Variants in AMBN observed in about 807,000 individuals in gnomAD.
AMBN encodes the protein ameloblastin.
AMBN carries 54 observed loss-of-function variants against 48.0 expected under a neutral mutation model. That is an observed-to-expected ratio of 1.12 (90% CI 0.90 to 1.41). AMBN has a LOEUF of 1.41. Among genes scored for constraint, AMBN ranks in the 40% most tolerant of loss-of-function variants. AMBN has a pLI of 0.00. For synonymous variants in AMBN, 186 were observed against 190.0 expected, an observed-to-expected ratio of 0.98 and a Z score of 0.17; for missense variants, 571 against 547.3, an observed-to-expected ratio of 1.04 and a Z score of -0.43.
At chr4:70,601,758 A>G (rs1342464349) in intron 6 of AMBN, 104 bp downstream of exon 6, 3 of 1,000,166 alleles carry the variant, frequency 3.0e-6, no homozygotes, top group Non-Finnish European at 3.1e-6. Flanking sequence ...CAGGCATAAT[A>G]CGTGATATAA....
intron 7 of AMBN, 67 bp from the exon 8 acceptor site, chr4:70,602,730 AT>A (rs1468162905): frequency 1.0e-6 from 1 of 963,732 alleles, no homozygotes; most frequent in Non-Finnish European, 1.5e-6. Flanking sequence ...TCACTTTTTT[AT>A]TTTTATTTGT....
In AMBN at chr4:70,606,523, C is replaced by T; in HGVS notation, c.1137C>T (p.Thr379=). ...SGKMKGLPSV[T]PAAADPLMTP... Reference sequence around the variant, plus strand: ...AGATGAAGGGACTCCCCAGCGTCACCCCAGCAGCTGCTGACCCACTGATGA... The same window carrying T: ...AGATGAAGGGACTCCCCAGCGTCACTCCAGCAGCTGCTGACCCACTGATGA... The change falls in exon 13 of 13, where the codon ACC becomes ACT. Residue 379 remains threonine (T), a synonymous_variant. Coordinates refer to ENST00000322937, the MANE Select transcript of AMBN (RefSeq NM_016519.6). The T allele has an allele frequency of 1.2e-6, 2 of 1,614,090 alleles. No homozygotes were observed. Among genetic ancestry groups the T allele is most frequent in the Non-Finnish European group, 1.7e-6 (2 of 1,179,998 alleles).
chr4:70,600,034 C>T (rs1464183960), intron 5 of AMBN, among the ~76,000 whole-genome samples: 1 of 152,064 alleles, frequency 6.6e-6, no homozygotes, highest in African/African-American at 2.4e-5. Context: ...TAGCCAGGTG[C>T]GATGGCTGAC....
rs929305172 is a variant in AMBN at position 70,606,888 on chromosome 4, G to A, written c.*158G>A. ...ATGCAAGTGGCTAGAAATAGTGTAG[G>A]TCCCCTTCTTGCTTTCAATATCTTG... On this transcript the variant is annotated 3_prime_UTR_variant, in exon 13 of 13. Coordinates refer to ENST00000322937, the MANE Select transcript of AMBN (RefSeq NM_016519.6). 1.6e-5 allele frequency: 12 copies of A among 767,838 alleles called. No homozygotes were observed. The highest frequency in any genetic ancestry group is 1.2e-4 in the African/African-American group (7 of 56,600). The allele number at this position is 767,838 out of a possible 1,614,324, so 47.6% of individuals were successfully genotyped here.
At chr4:70,596,413 G>A (rs1737386688) in intron 2 of AMBN, among the ~76,000 whole-genome samples, 1 of 151,938 alleles carries the variant, frequency 6.6e-6, no homozygotes, top group Non-Finnish European at 1.5e-5. Context: ...TTATTTAAGG[G>A]AAAAAAACCT....
rs574452222 is a variant in AMBN, at chr4:70,601,333, C to T, written c.295-85C>T. On this transcript the variant is annotated intron_variant, in intron 5 of 12. Coordinates refer to ENST00000322937, the MANE Select transcript of AMBN (RefSeq NM_016519.6). The stretch of plus-strand genomic sequence containing the variant: ...TAGCCTCCCTTCCAGATAGAAAGCG[C>T]CCCAAGCCCCTTTGTTTAGAAATTC... The T allele has an allele frequency of 1.5e-5, 21 of 1,385,062 alleles. No homozygotes were observed. In the Admixed American group the frequency reaches 3.7e-4, roughly 24 times the overall value. 85.8% of individuals were successfully genotyped at this position (1,385,062 alleles called of 1,614,324 possible).
At chr4:70,593,511 GGTTT>G in intron 2 of AMBN, 116 bp downstream of exon 2, 8 of 874,044 alleles carry the variant, frequency 9.2e-6, no homozygotes, top group African/African-American at 1.7e-5. Flanking sequence ...TTAATCCAGT[GGTTT>G]AGTCCTATTG....
intron 12 of AMBN, among the ~76,000 whole-genome samples, chr4:70,605,597 C>T (rs1157807108): frequency 6.9e-6 from 1 of 145,638 alleles, no homozygotes; most frequent in Non-Finnish European, 1.5e-5. Context: ...AGGGAAGTCA[C>T]ATTTTTTTTC....
At chr4:70,601,723 G>C in intron 6 of AMBN, 69 bp downstream of exon 6, 1 of 1,456,866 alleles carries the variant, frequency 6.9e-7, no homozygotes. Context: ...GAATTTGCAG[G>C]GCACTTTTAA....
intron 5 of AMBN, 36 bp from the exon 6 acceptor site, chr4:70,601,382 A>C: frequency 1.3e-6 from 2 of 1,584,772 alleles, no homozygotes; most frequent in Non-Finnish European, 1.7e-6. Flanking sequence ...TTAATGAGCC[A>C]TCCCTTCCTA....
Position 70,599,622 on chromosome 4 carries a change from G to T in AMBN, c.270G>T (p.Arg90Ser). 14 of 1,612,070 alleles carry T rather than the reference G, an allele frequency of 8.7e-6. No homozygotes were observed. Among genetic ancestry groups the T allele is most frequent in the Non-Finnish European group, 1.1e-5 (13 of 1,178,854 alleles). ...LPPHSSLPWM[R>S]PREHETQQYE... ...CACATTCCTCTCTTCCATGGATGAG[G>T]CCAAGAGAACATGAAACTCAACAGG... The change falls in exon 5 of 13, where the codon AGG becomes AGT. Residue 90 changes from arginine (R) to serine (S), a missense_variant. By Grantham distance (110) the Arg-to-Ser change is moderately radical (BLOSUM62 -1). Coordinates refer to ENST00000322937, the MANE Select transcript of AMBN (RefSeq NM_016519.6).
intron 7 of AMBN, 54 bp downstream of exon 7, chr4:70,602,716 T>G: frequency 6.7e-7 from 1 of 1,500,334 alleles, no homozygotes; most frequent in Non-Finnish European, 9.0e-7. Flanking sequence ...TAATTTTTAT[T>G]TGTTCACTTT....
At position 70,601,657 on chromosome 4, in the gene AMBN, A is replaced by C. The variant is rs774743870; in HGVS notation, c.531+3A>C. 6 of 1,613,040 alleles carry C rather than the reference A, an allele frequency of 3.7e-6. No homozygotes were observed. In the African/African-American group the frequency reaches 8.0e-5, roughly 22 times the overall value. On this transcript the variant is annotated splice_donor_region_variant and intron_variant, in intron 6 of 12. Transcript: ENST00000322937. Reference sequence around the variant, plus strand: ...CAGATAAGCCACCAAAGCCTGAGGTACTTCCTTTCTCTTGAAGTCAGATCA... The same window carrying C: ...CAGATAAGCCACCAAAGCCTGAGGTCCTTCCTTTCTCTTGAAGTCAGATCA...
Position 70,603,418 on chromosome 4 carries a change from T to C in AMBN, c.711T>C (p.Leu237=). The C allele has an allele frequency of 3.7e-6, 6 of 1,613,592 alleles. No homozygotes were observed. Among genetic ancestry groups the C allele is most frequent in the Non-Finnish European group, 5.1e-6 (6 of 1,179,898 alleles). Residue 237 remains leucine, a splice_region_variant and synonymous_variant, in exon 11 of 13, where the codon CTT becomes CTC. Transcript: ENST00000322937. ...GPMPQNKQSP[L]YPGMLYVPFG... Reference sequence around the variant, plus strand: ...GATAATGATTGTATTTTATTTAGCTTTATCCAGGAATGTTGTACGTGCCTT... The same window carrying C: ...GATAATGATTGTATTTTATTTAGCTCTATCCAGGAATGTTGTACGTGCCTT...
rs1009458161 is a variant in AMBN at position 70,601,698 on chromosome 4, C to G, written c.531+44C>G. The stretch of plus-strand genomic sequence containing the variant: ...AGTCAGATCAGAATCACCAGCTAAC[C>G]TAATAGAAGAAAACGAATTTGCAGG... On this transcript the variant is annotated intron_variant, in intron 6 of 12. Transcript: ENST00000322937. 2.5e-6 allele frequency: 4 copies of G among 1,574,386 alleles called. No individual in the cohort carries two copies. The African/African-American group carries it at 5.4e-5, about 21-fold the overall frequency.
Position 70,599,647 on chromosome 4 carries a change from G to A in AMBN, c.294+1G>A. On this transcript the variant is annotated splice_donor_variant, in intron 5 of 12. Transcript: ENST00000322937. LOFTEE classifies it high-confidence loss of function. ...GCCAAGAGAACATGAAACTCAACAG[G>A]TGAGTGAATAGCATCAATATGTTTG... 1.9e-6 allele frequency: 3 copies of A among 1,597,686 alleles called. No individual in the cohort carries two copies. Among genetic ancestry groups the A allele is most frequent in the Middle Eastern group, 1.7e-4 (1 of 6,014 alleles).
intron 4 of AMBN, 89 bp from the exon 5 acceptor site, chr4:70,599,447 A>T: frequency 9.5e-7 from 1 of 1,050,400 alleles, no homozygotes; most frequent in South Asian, 1.7e-5. Flanking sequence ...CTCAAAAAAA[A>T]AAAGAAAAAG....
chr4:70,605,351 G>A (rs1392834741), intron 12 of AMBN, among the ~76,000 whole-genome samples: 2 of 152,114 alleles, frequency 1.3e-5, no homozygotes, highest in African/African-American at 4.8e-5. Flanking sequence ...AAAAGATTTT[G>A]TAGAGCTTAT....
At chr4:70,603,758 C>G (rs2109804459) in intron 11 of AMBN, 119 bp from the exon 12 acceptor site, 1 of 1,041,736 alleles carries the variant, frequency 9.6e-7, no homozygotes, top group South Asian at 1.5e-5. Context: ...CTCCACTTTG[C>G]CTCTGTACAC....
Sources: allele counts gnomAD v4.1 joint callset (sites outside exome capture counted in the v4.1 genomes callset), GRCh38; gene constraint gnomAD v4.1.1; transcripts MANE v1.5; gene names NCBI Gene and HGNC (gene_info 2026-07-23, HGNC 2026-07-21).